The following CSMD1 variants were observed in gnomAD, a reference collection of about 807,000 sequenced individuals.
CSMD1 encodes the protein CUB and Sushi multiple domains 1.
Under a neutral mutation model 417.5 loss-of-function variants are expected in CSMD1, and 213 were observed. That is an observed-to-expected ratio of 0.51 (90% CI 0.46 to 0.57). The LOEUF is 0.57. CSMD1 is among the 20% of genes least tolerant of loss of function. CSMD1 has a pLI of 0.00. For missense variants in CSMD1, 6,923 were observed against 4,529.7 expected (o/e 1.53, Z -15.17); for synonymous variants, 2,862 against 1,736.8 (o/e 1.65, Z -16.11).
intron 5 of CSMD1, among the ~76,000 whole-genome samples, chr8:3,934,395 C>G (rs1004139726): frequency 3.3e-5 from 5 of 152,120 alleles, no homozygotes; most frequent in Non-Finnish European, 7.4e-5. Context: ...ATCTTGTATT[C>G]ATTGAAATCA....
At chr8:3,681,501 C>G (rs1236971353) in intron 7 of CSMD1, among the ~76,000 whole-genome samples, 1 of 152,104 alleles carries the variant, frequency 6.6e-6, no homozygotes, top group Non-Finnish European at 1.5e-5. Context: ...AGGACCTCTT[C>G]AAGGAGAATT....
At chr8:3,382,466 T>A (rs1000947033) in intron 18 of CSMD1, among the ~76,000 whole-genome samples, 6 of 139,740 alleles carry the variant, frequency 4.3e-5, no homozygotes, top group African/African-American at 1.3e-4. Flanking sequence ...ATATAATATA[T>A]TATATATAAT....
chr8:4,924,469 T>C (rs1806715840), intron 1 of CSMD1, among the ~76,000 whole-genome samples: 1 of 152,158 alleles, frequency 6.6e-6, no homozygotes. Flanking sequence ...ACGCCTGTAA[T>C]CTCAGTACTT....
At chr8:4,453,975 C>G (rs1303457054) in intron 2 of CSMD1, among the ~76,000 whole-genome samples, 2 of 151,676 alleles carry the variant, frequency 1.3e-5, no homozygotes, top group Non-Finnish European at 2.9e-5. Context: ...GCGCCCGCCA[C>G]CGCGCCCGGC....
At chr8:4,357,217 G>A (rs1801480173) in intron 3 of CSMD1, among the ~76,000 whole-genome samples, 1 of 152,130 alleles carries the variant, frequency 6.6e-6, no homozygotes, top group Non-Finnish European at 1.5e-5. Context: ...AGGGTTTTCA[G>A]TTGAAAGAGC....
intron 3 of CSMD1, among the ~76,000 whole-genome samples, chr8:4,050,993 C>T (rs1411090683): frequency 6.6e-6 from 1 of 152,040 alleles, no homozygotes; most frequent in African/African-American, 2.4e-5. Context: ...GAGTGACATG[C>T]CCTACTTTTA....
intron 1 of CSMD1, among the ~76,000 whole-genome samples, chr8:4,772,379 A>C (rs1420764270): frequency 3.2e-4 from 49 of 152,156 alleles, no homozygotes; most frequent in Non-Finnish European, 1.5e-5. Context: ...GCCTTTGAGG[A>C]CTTGAGTGGT....
intron 1 of CSMD1, among the ~76,000 whole-genome samples, chr8:4,707,886 C>CAAAAAAAAAAAAAAAAAAAAAAAA (rs552510236): frequency 1.7e-4 from 17 of 100,850 alleles, no homozygotes; most frequent in South Asian, 3.6e-4. Context: ...GACTTTGTTT[C>CAAAAAAAAAAAAAAAAAAAAAAAA]AAAAAAAAAA....
intron 2 of CSMD1, among the ~76,000 whole-genome samples, chr8:4,582,494 C>T (rs1799469596): frequency 6.6e-6 from 1 of 152,094 alleles, no homozygotes; most frequent in Admixed American, 6.5e-5. Context: ...AGGCACCAGG[C>T]AGGAAATGGA....
chr8:4,702,413 A>C (rs2116824490), intron 1 of CSMD1, among the ~76,000 whole-genome samples: 1 of 152,344 alleles, frequency 6.6e-6, no homozygotes, highest in East Asian at 1.9e-4. Flanking sequence ...TTTTGAAAAC[A>C]ACCTTGAGTA....
chr8:4,167,980 T>G (rs1307646296), intron 3 of CSMD1, among the ~76,000 whole-genome samples: 1 of 151,792 alleles, frequency 6.6e-6, no homozygotes, highest in Non-Finnish European at 1.5e-5. Context: ...ATACAAAAAA[T>G]TAGCCAGGCG....
chr8:4,357,002 A>C (rs767833872), intron 3 of CSMD1, among the ~76,000 whole-genome samples: 7 of 152,254 alleles, frequency 4.6e-5, no homozygotes, highest in Admixed American at 6.5e-5. Context: ...TATGAAGATA[A>C]ACGAATTTCA....
intron 3 of CSMD1, among the ~76,000 whole-genome samples, chr8:4,223,816 A>G (rs548986942): frequency 6.6e-6 from 1 of 152,332 alleles, no homozygotes; most frequent in African/African-American, 2.4e-5. Flanking sequence ...ACAACCAGTG[A>G]AACTGTTTTC....
chr8:4,277,208 T>TAC (rs1415067242), intron 3 of CSMD1, among the ~76,000 whole-genome samples: 2 of 143,764 alleles, frequency 1.4e-5, no homozygotes, highest in East Asian at 2.6e-4. Context: ...CATATATATA[T>TAC]ATATATATAC....
chr8:3,450,561 G>GT (rs1815637211), intron 12 of CSMD1, among the ~76,000 whole-genome samples: 1 of 146,084 alleles, frequency 6.8e-6, no homozygotes, highest in South Asian at 2.2e-4. Flanking sequence ...AACATGCAGT[G>GT]TTTGTTTTTT....
chr8:4,926,899 G>A (rs13250150), intron 1 of CSMD1, among the ~76,000 whole-genome samples: 52,238 of 151,756 alleles, frequency 0.34, 9,644 homozygotes, highest in Non-Finnish European at 0.42. Context: ...ATGAGCAAAG[G>A]TAACTTTGTT....
intron 5 of CSMD1, among the ~76,000 whole-genome samples, chr8:3,766,715 A>G (rs567525321): frequency 2.0e-5 from 3 of 152,242 alleles, no homozygotes; most frequent in Admixed American, 2.0e-4. Context: ...GTTCACTGAC[A>G]ATTTTCTCTT....
chr8:3,439,309 A>ATATATATATATATATATTTTT lies in CSMD1; in HGVS notation c.1561+29402_1561+29403insAAAAATATATATATATATATA. Among the ~76,000 whole-genome samples the ATATATATATATATATATTTTT allele has an allele frequency of 2.8e-3, 177 of 62,306 alleles. 1 individual carries two copies. The highest frequency in any genetic ancestry group is 0.01 in the Middle Eastern group (1 of 100). 40.9% of individuals were successfully genotyped at this position (62,306 alleles called of 152,430 possible). A position where few individuals can be genotyped will look rare whatever the true frequency, so the allele number is the denominator to read the frequency against. ...TATATATATATATATATATATATAT[A>ATATATATATATATATATTTTT]TTTTTTTTTTTAATATGTATTTTTA... On this transcript the variant is annotated intron_variant, in intron 12 of 69. Coordinates refer to ENST00000635120, the MANE Select transcript of CSMD1 (RefSeq NM_033225.6).
intron 3 of CSMD1, among the ~76,000 whole-genome samples, chr8:4,334,255 T>C (rs1469670637): frequency 6.6e-6 from 1 of 152,082 alleles, no homozygotes; most frequent in Admixed American, 6.6e-5. Context: ...TATGATAAGG[T>C]GCTTAAAAGT....
Sources: allele counts gnomAD v4.1 joint callset (sites outside exome capture counted in the v4.1 genomes callset), GRCh38; gene constraint gnomAD v4.1.1; transcripts MANE v1.5; gene names NCBI Gene and HGNC (gene_info 2026-07-23, HGNC 2026-07-21).